Variants in SOX5 observed in about 807,000 individuals in gnomAD.
SOX5 encodes SRY-box transcription factor 5.
In SOX5, 9 loss-of-function variants were observed where a neutral mutation model predicts 92.0. The observed-to-expected ratio is 0.10, with a 90% CI of 0.06 to 0.17. The LOEUF is 0.17. Among genes scored for constraint, SOX5 ranks in the 10% least tolerant of loss-of-function variants. The probability of loss-of-function intolerance (pLI) is 1.00; values close to 1 mark genes in which losing one functional copy is unlikely to be tolerated. For synonymous variants in SOX5, 344 were observed against 336.3 expected, an observed-to-expected ratio of 1.02 and a Z score of -0.25; for missense variants, 642 against 944.5, an observed-to-expected ratio of 0.68 and a Z score of 4.20.
chr12:24,552,790 G>A (rs560973955), intron 1 of SOX5, among the ~76,000 whole-genome samples: 6 of 152,258 alleles, frequency 3.9e-5, no homozygotes, highest in South Asian at 2.1e-4. Flanking sequence ...ACTTCAGCTC[G>A]GGAGTTCAAG....
chr12:24,552,629 A>G (rs1039079262), intron 1 of SOX5, among the ~76,000 whole-genome samples: 1 of 152,234 alleles, frequency 6.6e-6, no homozygotes, highest in Non-Finnish European at 1.5e-5. Flanking sequence ...TATATGCAAC[A>G]CGCATCTGTG....
At chr12:24,362,866 G>GGA (rs1955740882) in intron 2 of SOX5, among the ~76,000 whole-genome samples, 3 of 102,156 alleles carry the variant, frequency 2.9e-5, no homozygotes, top group African/African-American at 1.2e-4. Flanking sequence ...AAACCACAGT[G>GGA]AAAAAAAAAA....
Position 23,811,382 on chromosome 12 carries a change from C to A in SOX5, c.481+34601G>T, listed in dbSNP as rs7977248. 2.0e-3 allele frequency among the ~76,000 whole-genome samples: 308 copies of A among 152,144 alleles called. 1 individual carries two copies. The highest frequency in any genetic ancestry group is 7.2e-3 in the African/African-American group (297 of 41,510). Reference sequence around the variant, plus strand: ...AATTTTTCAGCAGACATAAAGTTTGCCCTTCAAAATTTTACCAAGTTCAAT... The same window carrying A: ...AATTTTTCAGCAGACATAAAGTTTGACCTTCAAAATTTTACCAAGTTCAAT... On this transcript the variant is annotated intron_variant, in intron 3 of 14. Coordinates refer to ENST00000451604, the MANE Select transcript of SOX5 (RefSeq NM_006940.6).
At chr12:23,542,780 G>A (rs1277409213) in intron 13 of SOX5, among the ~76,000 whole-genome samples, 4 of 152,036 alleles carry the variant, frequency 2.6e-5, no homozygotes, top group African/African-American at 4.8e-5. Flanking sequence ...GATGAATTCC[G>A]CAAATAAAAC....
At chr12:24,182,271 G>A (rs1483756511) in intron 4 of SOX5, among the ~76,000 whole-genome samples, 1 of 152,184 alleles carries the variant, frequency 6.6e-6, no homozygotes, top group Non-Finnish European at 1.5e-5. Flanking sequence ...AAAATTTAAA[G>A]GGGAAAGGTC....
At chr12:24,133,736 G>A (rs1203531887) in intron 4 of SOX5, among the ~76,000 whole-genome samples, 1 of 152,078 alleles carries the variant, frequency 6.6e-6, no homozygotes, top group African/African-American at 2.4e-5. Flanking sequence ...ACTGGTCCAG[G>A]GAGAACAAAC....
intron 10 of SOX5, among the ~76,000 whole-genome samples, chr12:23,573,746 A>G (rs532687983): frequency 2.0e-5 from 3 of 152,316 alleles, no homozygotes; most frequent in East Asian, 3.9e-4. Flanking sequence ...CTTGGAGAAC[A>G]GGTTATTTCG....
At chr12:23,984,695 A>G (rs1376203452) in intron 4 of SOX5, among the ~76,000 whole-genome samples, 2 of 152,182 alleles carry the variant, frequency 1.3e-5, no homozygotes, top group Non-Finnish European at 2.9e-5. Context: ...ATGCCAAAAT[A>G]AGAGTGTATT....
At chr12:24,417,171 C>T (rs1376465096) in intron 1 of SOX5, among the ~76,000 whole-genome samples, 3 of 152,170 alleles carry the variant, frequency 2.0e-5, no homozygotes, top group African/African-American at 7.2e-5. Flanking sequence ...CAGGTAAGAA[C>T]GCAAAGCTAC....
chr12:24,105,457 C>G (rs546430953), intron 4 of SOX5, among the ~76,000 whole-genome samples: 1 of 152,226 alleles, frequency 6.6e-6, no homozygotes, highest in Admixed American at 6.5e-5. Context: ...AGGATAATCA[C>G]TTGAACTGGG....
intron 4 of SOX5, among the ~76,000 whole-genome samples, chr12:24,046,359 GAT>G (rs1269321198): frequency 2.0e-5 from 3 of 152,126 alleles, no homozygotes; most frequent in Non-Finnish European, 4.4e-5. Flanking sequence ...TCCCTTTCCA[GAT>G]GTTATAAATT....
chr12:24,176,970 GTTTTTTGT>G (rs1195434245), intron 4 of SOX5, among the ~76,000 whole-genome samples: 1 of 56,866 alleles, frequency 1.8e-5, no homozygotes, highest in African/African-American at 6.9e-5. Flanking sequence ...GTCAAGTTTT[GTTTTTTGT>G]TTTTTTTTTT....
At chr12:24,165,664 G>T (rs2139050524) in intron 4 of SOX5, among the ~76,000 whole-genome samples, 1 of 152,248 alleles carries the variant, frequency 6.6e-6, no homozygotes, top group Non-Finnish European at 1.5e-5. Flanking sequence ...ACTGAGAAGG[G>T]CATTCCAGGC....
At chr12:24,387,773 A>C (rs1422065269) in intron 1 of SOX5, among the ~76,000 whole-genome samples, 3 of 152,150 alleles carry the variant, frequency 2.0e-5, no homozygotes, top group Non-Finnish European at 4.4e-5. Context: ...TCCAAATCCT[A>C]CATCTTCTTT....
At chr12:23,980,330 G>T (rs1949454371) in intron 4 of SOX5, among the ~76,000 whole-genome samples, 1 of 151,944 alleles carries the variant, frequency 6.6e-6, no homozygotes, top group Admixed American at 6.6e-5. Context: ...TGAAGACATT[G>T]CTTCATTTTC....
chr12:24,540,260 CA>C (rs1350494579), intron 1 of SOX5, among the ~76,000 whole-genome samples: 2 of 151,950 alleles, frequency 1.3e-5, no homozygotes, highest in African/African-American at 4.8e-5. Context: ...CCTTGCATTC[CA>C]AAAGACATAT....
At chr12:23,666,224 T>G (rs1424487738) in intron 6 of SOX5, among the ~76,000 whole-genome samples, 1 of 152,080 alleles carries the variant, frequency 6.6e-6, no homozygotes, top group East Asian at 1.9e-4. Context: ...TGCTACAGAT[T>G]CCCTGTACAA....
intron 5 of SOX5, among the ~76,000 whole-genome samples, chr12:23,735,982 A>G (rs898351643): frequency 9.9e-5 from 15 of 152,178 alleles, no homozygotes; most frequent in Non-Finnish European, 1.9e-4. Flanking sequence ...GAAGTCCGTT[A>G]CAAAAGCAAT....
chr12:23,859,375 G>C (rs2096729043), intron 2 of SOX5, among the ~76,000 whole-genome samples: 2 of 152,186 alleles, frequency 1.3e-5, no homozygotes, highest in Non-Finnish European at 2.9e-5. Flanking sequence ...ATGCAGTTGA[G>C]ATAAGGGATG....
Sources: gnomAD v4.1 joint callset for allele counts (sites outside exome capture counted in the v4.1 genomes callset) on GRCh38, gnomAD v4.1.1 for gene constraint, MANE v1.5 for transcripts, NCBI Gene and HGNC (gene_info 2026-07-23, HGNC 2026-07-21) for gene names.